The following RBFOX1 variants were observed in gnomAD, a reference collection of about 807,000 sequenced individuals.
RBFOX1 encodes the protein RNA binding protein fox-1 homolog 1.
In RBFOX1, 8 loss-of-function variants were observed where a neutral mutation model predicts 57.7. That is an observed-to-expected ratio of 0.14 (90% CI 0.08 to 0.25). The LOEUF (loss-of-function observed/expected upper bound fraction) is 0.25. Among genes scored for constraint, RBFOX1 ranks in the 10% least tolerant of loss-of-function variants. The probability of loss-of-function intolerance (pLI) is 1.00; values close to 1 mark genes in which losing one functional copy is unlikely to be tolerated. For missense variants in RBFOX1, 611 were observed against 548.5 expected (o/e 1.11, Z -1.14); for synonymous variants, 326 against 222.4 (o/e 1.47, Z -4.15).
At chr16:6,448,152 C>CTTTTTTT (rs200249081) in intron 2 of RBFOX1, among the ~76,000 whole-genome samples, 1 of 92,582 alleles carries the variant, frequency 1.1e-5, no homozygotes, top group African/African-American at 4.2e-5. Context: ...CTTTTCTTTT[C>CTTTTTTT]TTTCTTTTTT....
intron 3 of RBFOX1, among the ~76,000 whole-genome samples, chr16:6,688,127 G>C (rs143332596): frequency 2.6e-5 from 4 of 152,024 alleles, no homozygotes; most frequent in African/African-American, 7.2e-5. Flanking sequence ...TCAGCAGGCT[G>C]TACAGGAAGC....
chr16:7,700,282 C>T (rs543891685), intron 14 of RBFOX1, among the ~76,000 whole-genome samples: 1 of 152,172 alleles, frequency 6.6e-6, no homozygotes, highest in African/African-American at 2.4e-5. Flanking sequence ...TAGTCCTTAA[C>T]TAGTAATCAT....
chr16:5,434,317 C>CTTTTGTTT (rs2067847754), intron 1 of RBFOX1, among the ~76,000 whole-genome samples: 1 of 79,734 alleles, frequency 1.3e-5, no homozygotes, highest in Non-Finnish European at 2.2e-5. Context: ...TGCTGAAGTC[C>CTTTTGTTT]TTTTTTTTTT....
At chr16:5,589,621 C>T (rs867176253) in intron 2 of RBFOX1, among the ~76,000 whole-genome samples, 3 of 152,312 alleles carry the variant, frequency 2.0e-5, no homozygotes, top group South Asian at 4.1e-4. Context: ...ATGAAAGTGG[C>T]TAGTCCTAGG....
At chr16:6,428,022 C>T (rs1421172396) in intron 2 of RBFOX1, among the ~76,000 whole-genome samples, 1 of 152,114 alleles carries the variant, frequency 6.6e-6, no homozygotes, top group East Asian at 1.9e-4. Context: ...GTGGCTCATG[C>T]CTGTAATCCC....
intron 4 of RBFOX1, among the ~76,000 whole-genome samples, chr16:7,372,259 A>T (rs1457820080): frequency 6.6e-6 from 1 of 152,150 alleles, no homozygotes; most frequent in African/African-American, 2.4e-5. Context: ...AGGATGAGTA[A>T]CCACTTCATA....
intron 3 of RBFOX1, among the ~76,000 whole-genome samples, chr16:6,868,941 CT>C: frequency 6.6e-6 from 1 of 152,238 alleles, no homozygotes; most frequent in Admixed American, 6.5e-5. Context: ...TAGCCCTTGC[CT>C]TAGAGATTTT....
intron 3 of RBFOX1, among the ~76,000 whole-genome samples, chr16:6,684,537 C>T (rs547487472): frequency 1.3e-5 from 2 of 152,292 alleles, no homozygotes; most frequent in South Asian, 2.1e-4. Flanking sequence ...TGGAAACAGG[C>T]ATGGAGCTAT....
At chr16:5,516,741 C>T (rs997609179) in intron 2 of RBFOX1, among the ~76,000 whole-genome samples, 5 of 152,032 alleles carry the variant, frequency 3.3e-5, no homozygotes, top group Admixed American at 1.3e-4. Context: ...ATGCTGTTCT[C>T]GAGATAGTGA....
At chr16:7,196,179 A>C (rs920599098) in intron 4 of RBFOX1, among the ~76,000 whole-genome samples, 1 of 152,190 alleles carries the variant, frequency 6.6e-6, no homozygotes, top group African/African-American at 2.4e-5. Flanking sequence ...TTTGAAGTAT[A>C]AATAATCAGT....
chr16:5,575,524 A>C (rs1391359909), intron 2 of RBFOX1, among the ~76,000 whole-genome samples: 1 of 152,194 alleles, frequency 6.6e-6, no homozygotes, highest in African/African-American at 2.4e-5. Flanking sequence ...GGAAAGTGGT[A>C]ATTTCTGACA....
intron 3 of RBFOX1, among the ~76,000 whole-genome samples, chr16:6,922,471 T>C (rs533429280): frequency 1.3e-5 from 2 of 152,212 alleles, no homozygotes; most frequent in Non-Finnish European, 2.9e-5. Flanking sequence ...TTGTGGGTGG[T>C]TGCTAATCTT....
chr16:7,375,830 G>C (rs1026274259), intron 4 of RBFOX1, among the ~76,000 whole-genome samples: 3 of 152,058 alleles, frequency 2.0e-5, no homozygotes, highest in African/African-American at 7.2e-5. Flanking sequence ...TAAGACACTA[G>C]CAATAATTTT....
chr16:7,155,757 A>ACACG (rs2152326278), intron 4 of RBFOX1, among the ~76,000 whole-genome samples: 1 of 144,926 alleles, frequency 6.9e-6, no homozygotes, highest in South Asian at 2.2e-4. Flanking sequence ...ACACACACAC[A>ACACG]CACACACATA....
At chr16:5,727,601 G>C (rs2052200443) in intron 3 of RBFOX1, among the ~76,000 whole-genome samples, 1 of 152,118 alleles carries the variant, frequency 6.6e-6, no homozygotes, top group Admixed American at 6.6e-5. Context: ...TTTTAACAAA[G>C]TTTGTATACT....
chr16:5,869,178 A>T (rs1454483960), intron 4 of RBFOX1, among the ~76,000 whole-genome samples: 1 of 152,002 alleles, frequency 6.6e-6, no homozygotes, highest in Non-Finnish European at 1.5e-5. Context: ...GTGTTCAGTA[A>T]ATATTAGTTC....
intron 5 of RBFOX1, among the ~76,000 whole-genome samples, chr16:7,563,815 G>A (rs1228073649): frequency 7.6e-6 from 1 of 131,996 alleles, no homozygotes; most frequent in Non-Finnish European, 1.8e-5. Context: ...CCAAATCTTT[G>A]CAACAAGAAG....
In RBFOX1 at chr16:6,532,542, A is replaced by T. The variant is rs564728242; in HGVS notation, c.-63-122061A>T. Reference sequence around the variant, plus strand: ...TGTGCTCCTTCCTCTGTACCCTTTAAATATTCATCTCCCTCATGCTGCCAT... The same window carrying T: ...TGTGCTCCTTCCTCTGTACCCTTTATATATTCATCTCCCTCATGCTGCCAT... On this transcript the variant is annotated intron_variant, in intron 2 of 15. Coordinates refer to ENST00000550418, the MANE Select transcript of RBFOX1 (RefSeq NM_018723.4). 2.6e-5 allele frequency among the ~76,000 whole-genome samples: 4 copies of T among 152,154 alleles called. No individual in the cohort carries two copies. In the South Asian group the frequency reaches 8.3e-4, roughly 32 times the overall value.
chr16:7,366,081 A>G (rs1004529291), intron 4 of RBFOX1, among the ~76,000 whole-genome samples: 3 of 152,180 alleles, frequency 2.0e-5, no homozygotes, highest in Admixed American at 6.5e-5. Context: ...CACTGAGCCA[A>G]TCAGCTATGG....
Sources: allele counts gnomAD v4.1 joint callset (sites outside exome capture counted in the v4.1 genomes callset), GRCh38; gene constraint gnomAD v4.1.1; transcripts MANE v1.5; gene names NCBI Gene and HGNC (gene_info 2026-07-23, HGNC 2026-07-21).